The following TXNRD2 variants were observed in gnomAD, a reference collection of about 807,000 sequenced individuals.
TXNRD2 encodes the protein thioredoxin reductase 2, mitochondrial.
Under a neutral mutation model 70.8 loss-of-function variants are expected in TXNRD2, and 67 were observed. The ratio of observed to expected loss-of-function variants is 0.95; its 90% CI spans 0.78 to 1.16. The LOEUF (loss-of-function observed/expected upper bound fraction) is 1.16. TXNRD2 is among the 50% of genes most tolerant of loss of function. The pLI is 0.00. For missense variants in TXNRD2, 644 were observed against 719.9 expected (o/e 0.89, Z 1.21); for synonymous variants, 301 against 295.8 (o/e 1.02, Z -0.18).
chr22:19,883,187 C>G (rs1178474929), intron 12 of TXNRD2, 138 bp downstream of exon 12: 69 of 1,143,018 alleles, frequency 6.0e-5, no homozygotes, highest in Non-Finnish European at 7.7e-5. Flanking sequence ...CAGGCTGGCC[C>G]TGGGGTTTGG....
chr22:19,904,170 C>T (rs1264887266), intron 8 of TXNRD2, among the ~76,000 whole-genome samples: 1 of 152,150 alleles, frequency 6.6e-6, no homozygotes, highest in Non-Finnish European at 1.5e-5. Context: ...GTCCCCCGCC[C>T]CACCCCAGTG....
intron 2 of TXNRD2, among the ~76,000 whole-genome samples, chr22:19,922,559 T>G (rs971702731): frequency 6.6e-6 from 1 of 152,218 alleles, no homozygotes; most frequent in Non-Finnish European, 1.5e-5. Flanking sequence ...CCTTTTTACC[T>G]ACTTACTCCC....
In TXNRD2 at chr22:19,883,374, C is replaced by T. The variant is rs201349663; in HGVS notation, c.1037G>A (p.Arg346Gln). The change falls in exon 12 of 18, where the codon CGG becomes CAG. Residue 346 changes from arginine to glutamine, a missense_variant. Around this residue, in one of 3 missense-constraint regions of TXNRD2, gnomAD observed 566 missense variants for 645.0 expected, o/e 0.88. Coordinates refer to ENST00000400521, the MANE Select transcript of TXNRD2 (RefSeq NM_006440.5). ...GATGTGGGGCACAGAGGTGGCTTCC[C>T]GGGAGTCCACCAGGATCTTCTGAGT... ...PDTQKILVDS[R>Q]EATSVPHIYA... 4.6e-5 allele frequency: 75 copies of T among 1,614,040 alleles called. No individual in the cohort carries two copies. Among genetic ancestry groups the T allele is most frequent in the East Asian group, 2.7e-4 (12 of 44,884 alleles).
chr22:19,919,399 A>T, intron 3 of TXNRD2, 144 bp downstream of exon 3: 1 of 772,548 alleles, frequency 1.3e-6, no homozygotes, highest in Non-Finnish European at 2.2e-6. Flanking sequence ...ACTTTAAAGT[A>T]ATGATGAGTG....
In TXNRD2 at chr22:19,878,129, T is replaced by C. The variant is rs757704344; in HGVS notation, c.1406A>G (p.Asn469Ser). The C allele has an allele frequency of 2.5e-5, 40 of 1,613,380 alleles. No homozygotes were observed. The highest frequency in any genetic ancestry group is 9.3e-5 in the African/African-American group (7 of 74,930). The change falls in exon 16 of 18, where the codon AAC becomes AGC. Residue 469 changes from asparagine (N) to serine (S), a missense_variant. By Grantham distance (46) the Asn-to-Ser change is conservative. Transcript: ENST00000400521. ...LVLGLHFLGPNAGEVTQGFAL... is the reference protein window; with the variant it reads ...LVLGLHFLGPSAGEVTQGFAL... ...AAATCCTTGAGTAACTTCGCCTGCGTTGGGGCCAAGGAAATGCAGGCCCAG... is the reference window on the plus strand; with the variant it reads ...AAATCCTTGAGTAACTTCGCCTGCGCTGGGGCCAAGGAAATGCAGGCCCAG...
intron 1 of TXNRD2, among the ~76,000 whole-genome samples, chr22:19,933,131 T>C (rs1941428055): frequency 6.6e-6 from 1 of 152,210 alleles, no homozygotes; most frequent in South Asian, 2.1e-4. Flanking sequence ...CTCTTTCACC[T>C]GGCAGCCAGC....
At chr22:19,893,395 A>G (rs115629693) in intron 11 of TXNRD2, among the ~76,000 whole-genome samples, 1,571 of 152,350 alleles carry the variant, frequency 0.01, 33 homozygotes, top group African/African-American at 0.036. Context: ...CTAGACGGCC[A>G]GGCACCGAGG....
At chr22:19,933,640 A>G in intron 1 of TXNRD2, 1 of 504,546 alleles carries the variant, frequency 2.0e-6, no homozygotes, top group Non-Finnish European at 3.1e-6. Flanking sequence ...GGCATAGGGC[A>G]GTCGTTTGCA....
At chr22:19,926,835 C>T (rs1941163814) in intron 2 of TXNRD2, among the ~76,000 whole-genome samples, 1 of 152,136 alleles carries the variant, frequency 6.6e-6, no homozygotes, top group Non-Finnish European at 1.5e-5. Context: ...ACAGACACAT[C>T]CACGGATATA....
intron 10 of TXNRD2, among the ~76,000 whole-genome samples, chr22:19,896,796 G>A (rs527326005): frequency 2.6e-5 from 4 of 152,190 alleles, no homozygotes; most frequent in Non-Finnish European, 5.9e-5. Context: ...TCTAGATGGC[G>A]TGTGTGGGAG....
rs1310119522 is a variant in TXNRD2 at position 19,940,645 on chromosome 22, T to C, written c.103+1056A>G. 7.2e-5 allele frequency among the ~76,000 whole-genome samples: 11 copies of C among 152,266 alleles called. No homozygotes were observed. The East Asian group carries it at 1.9e-3, about 27-fold the overall frequency. The stretch of plus-strand genomic sequence containing the variant: ...CCCCATGATAAATGCCCTTTGAACC[T>C]TTTTCCTCCTTTTGATGCCGAATCC... On this transcript the variant is annotated intron_variant, in intron 1 of 17. Transcript: ENST00000400521.
chr22:19,907,736 G>A (rs1322015752), intron 8 of TXNRD2, among the ~76,000 whole-genome samples: 3 of 46,120 alleles, frequency 6.5e-5, no homozygotes, highest in Admixed American at 3.8e-4. Flanking sequence ...GCGCACCATG[G>A]GTAGCAGCGA....
At chr22:19,936,509 C>A (rs371381801) in intron 1 of TXNRD2, among the ~76,000 whole-genome samples, 5 of 152,132 alleles carry the variant, frequency 3.3e-5, no homozygotes, top group East Asian at 1.9e-4. Flanking sequence ...CAGTCTTTGC[C>A]TCCGGAGCCA....
At chr22:19,893,762 C>T (rs1802542591) in intron 11 of TXNRD2, 2 of 152,414 alleles carry the variant, frequency 1.3e-5, no homozygotes, top group South Asian at 4.1e-4. Flanking sequence ...CAGGCCTCTG[C>T]CCAGCACTGG....
chr22:19,893,724 G>C (rs1939366709), intron 11 of TXNRD2, among the ~76,000 whole-genome samples: 2 of 152,224 alleles, frequency 1.3e-5, no homozygotes, highest in Admixed American at 1.3e-4. Flanking sequence ...GCAAGTTGTA[G>C]CCAGCCCACG....
chr22:19,907,893 G>A (rs1315966424), intron 8 of TXNRD2, among the ~76,000 whole-genome samples: 8 of 56,058 alleles, frequency 1.4e-4, no homozygotes, highest in Admixed American at 2.2e-4. Context: ...GGCGCCGTGG[G>A]TAGCAGTGAC....
chr22:19,932,272 A>G lies in TXNRD2; in HGVS notation c.104-1174T>C, dbSNP rs1386926073. The G allele has an allele frequency of 1.7e-5, 27 of 1,610,248 alleles. No homozygotes were observed. The East Asian group carries it at 6.0e-4, about 36-fold the overall frequency. On this transcript the variant is annotated intron_variant, in intron 1 of 17. Transcript: ENST00000400521. ...GCCCAGCTGCAGTCAGCTAGGAGGG[A>G]AGCCACCCTGGGCACAGGGAGAGCT...
intron 11 of TXNRD2, among the ~76,000 whole-genome samples, chr22:19,888,474 A>C (rs1007517381): frequency 6.6e-6 from 1 of 152,246 alleles, no homozygotes; most frequent in Non-Finnish European, 1.5e-5. Flanking sequence ...AAGAACAGGC[A>C]TGCCCTCTGA....
chr22:19,899,133 A>G, intron 8 of TXNRD2, 65 bp from the exon 9 acceptor site: 1 of 1,599,816 alleles, frequency 6.3e-7, no homozygotes. Context: ...GTGCAGTCAG[A>G]GCAGAACCCC....
Sources: allele counts gnomAD v4.1 joint callset (sites outside exome capture counted in the v4.1 genomes callset), GRCh38; gene constraint gnomAD v4.1.1; regional missense constraint gnomAD v4.1.1; transcripts MANE v1.5; gene names NCBI Gene and HGNC (gene_info 2026-07-23, HGNC 2026-07-21).